The following ARL13B variants were observed in gnomAD, a reference collection of about 807,000 sequenced individuals.
The protein encoded by ARL13B is ARF like GTPase 13B, also known as ADP-ribosylation factor-like protein 13B.
In ARL13B, 36 loss-of-function variants were observed where a neutral mutation model predicts 56.1. The observed-to-expected ratio is 0.64, with a 90% CI of 0.49 to 0.85. The LOEUF (loss-of-function observed/expected upper bound fraction) is 0.85, where lower values mean the gene tolerates loss of function less well. Ranked by LOEUF, ARL13B falls within the 40% of genes least tolerant of loss-of-function variation. The probability of loss-of-function intolerance (pLI) is 0.00; values close to 1 mark genes in which losing one functional copy is unlikely to be tolerated. For missense variants in ARL13B, 519 were observed against 507.1 expected (o/e 1.02, Z -0.23); for synonymous variants, 178 against 171.1 (o/e 1.04, Z -0.32).
chr3:94,028,247 A>T (rs1474697666), intron 3 of ARL13B: 1 of 152,178 alleles, frequency 6.6e-6, no homozygotes, highest in African/African-American at 2.4e-5. Context: ...CCCGGTCCAA[A>T]TCTGAGCAAA....
intron 7 of ARL13B, among the ~76,000 whole-genome samples, chr3:94,047,580 A>G (rs937349422): frequency 1.3e-5 from 2 of 152,234 alleles, no homozygotes; most frequent in Non-Finnish European, 2.9e-5. Flanking sequence ...GTTATTTAAC[A>G]TAGCAATCCC....
intron 8 of ARL13B, among the ~76,000 whole-genome samples, chr3:94,050,410 A>G (rs1290340260): frequency 1.3e-5 from 2 of 152,166 alleles, no homozygotes; most frequent in Non-Finnish European, 2.9e-5. Context: ...TGTAATGACT[A>G]GATAAATATG....
chr3:93,996,774 A>T (rs2075974975), intron 2 of ARL13B: 1 of 189,854 alleles, frequency 5.3e-6, no homozygotes, highest in Admixed American at 4.8e-5. Flanking sequence ...CCAGTCAGGC[A>T]TCTAAAGTGA....
chr3:94,014,611 A>T lies in ARL13B; in HGVS notation c.380+10703A>T, dbSNP rs1201533848. On this transcript the variant is annotated intron_variant, in intron 3 of 9. Coordinates refer to ENST00000394222, the MANE Select transcript of ARL13B (RefSeq NM_001174150.2). ...ATCCTTTATTTGGTTCTCCAAATTAACAAGTTCCTTGTGTCTCTGTTCAAT... is the reference window on the plus strand; with the variant it reads ...ATCCTTTATTTGGTTCTCCAAATTATCAAGTTCCTTGTGTCTCTGTTCAAT... 1.9e-6 allele frequency: 3 copies of T among 1,613,202 alleles called. No individual in the cohort carries two copies. Among genetic ancestry groups the T allele is most frequent in the Non-Finnish European group, 2.5e-6 (3 of 1,179,884 alleles).
At chr3:94,012,479 C>G (rs541786374) in intron 3 of ARL13B, among the ~76,000 whole-genome samples, 1 of 152,240 alleles carries the variant, frequency 6.6e-6, no homozygotes, top group South Asian at 2.1e-4. Flanking sequence ...TTTTCCACCA[C>G]CACTATATAG....
rs148354827 is a variant in ARL13B, at chr3:94,035,391, A to G, written c.441A>G (p.Leu147=). The change falls in exon 4 of 10, where the codon CTA becomes CTG. Residue 147 remains leucine, a synonymous_variant. Coordinates refer to ENST00000394222, the MANE Select transcript of ARL13B (RefSeq NM_001174150.2). ...ALGEADVIEC[L]SLEKLVNEHK... is the part of the protein sequence containing the mutation. ...GAGAAGCTGATGTCATTGAATGTCT[A>G]TCTCTGGAAAAATTGGTCAATGAGC... 4.6e-5 allele frequency: 74 copies of G among 1,606,802 alleles called. No homozygotes were observed. The Middle Eastern group carries it at 5.0e-4, about 11-fold the overall frequency.
chr3:94,012,028 T>C (rs2076232879), intron 3 of ARL13B, among the ~76,000 whole-genome samples: 1 of 152,172 alleles, frequency 6.6e-6, no homozygotes, highest in Admixed American at 6.5e-5. Context: ...ACATTTTTCT[T>C]TCTTTAAACT....
Position 94,054,661 on chromosome 3 carries a change from A to C in ARL13B, c.*1398A>C, listed in dbSNP as rs1284369068. The C allele has an allele frequency of 7.8e-6, 3 of 382,340 alleles. No individual in the cohort carries two copies. Among genetic ancestry groups the C allele is most frequent in the Non-Finnish European group, 1.5e-5 (3 of 196,786 alleles). 23.7% of individuals were successfully genotyped at this position (382,340 alleles called of 1,614,324 possible). A position where few individuals can be genotyped will look rare whatever the true frequency, so the allele number is the denominator to read the frequency against. ...TACTTTAAAAATTGTACTTCAGAACATCAGATTTTATTCACATTTTTTAAC... is the reference window on the plus strand; with the variant it reads ...TACTTTAAAAATTGTACTTCAGAACCTCAGATTTTATTCACATTTTTTAAC... On this transcript the variant is annotated 3_prime_UTR_variant, in exon 10 of 10. Transcript: ENST00000394222.
intron 6 of ARL13B, among the ~76,000 whole-genome samples, chr3:94,042,365 T>TA (rs775825495): frequency 2.7e-4 from 41 of 151,940 alleles, no homozygotes; most frequent in African/African-American, 6.3e-4. Context: ...CTAAAAAAAT[T>TA]AAAAAAAAGC....
intron 3 of ARL13B, among the ~76,000 whole-genome samples, chr3:94,009,536 A>T (rs1421737683): frequency 1.3e-5 from 2 of 152,090 alleles, no homozygotes; most frequent in Non-Finnish European, 1.5e-5. Context: ...TAAATAATAG[A>T]AGAATCTGAG....
intron 3 of ARL13B, among the ~76,000 whole-genome samples, chr3:94,007,177 A>G (rs2076149551): frequency 6.6e-6 from 1 of 152,226 alleles, no homozygotes; most frequent in African/African-American, 2.4e-5. Flanking sequence ...ATAACAAGCA[A>G]GCAGAAAACA....
chr3:94,032,766 G>T (rs2076699143), intron 3 of ARL13B, among the ~76,000 whole-genome samples: 2 of 152,148 alleles, frequency 1.3e-5, no homozygotes, highest in Admixed American at 1.3e-4. Context: ...AAAGTGCTGG[G>T]ATTACAGGCG....
Position 93,980,371 on chromosome 3 carries a change from T to C in ARL13B, c.-53T>C, listed in dbSNP as rs1710147812. The C allele has an allele frequency of 2.5e-6, 4 of 1,602,906 alleles. No individual in the cohort carries two copies. In the East Asian group the frequency reaches 8.9e-5, roughly 36 times the overall value. On this transcript the variant is annotated 5_prime_UTR_variant, in exon 1 of 10. Transcript: ENST00000394222. ...CGGAGGCCCCCGGGGAAGAGCGGGG[T>C]GCCGGTGTCCGCTCCGGGCTCGGAT...
At chr3:94,017,189 G>C (rs1231621285) in intron 3 of ARL13B, among the ~76,000 whole-genome samples, 2 of 152,118 alleles carry the variant, frequency 1.3e-5, no homozygotes, top group East Asian at 1.9e-4. Context: ...TGAAATAAAT[G>C]GTAATATTTG....
At chr3:94,035,917 C>G (rs931270001) in intron 4 of ARL13B, among the ~76,000 whole-genome samples, 2 of 151,934 alleles carry the variant, frequency 1.3e-5, no homozygotes, top group Admixed American at 6.6e-5. Flanking sequence ...ACAAAAAATA[C>G]AAAAACTAGC....
intron 3 of ARL13B, chr3:94,015,340 G>A (rs1182315172): frequency 4.5e-6 from 6 of 1,333,342 alleles, no homozygotes; most frequent in Non-Finnish European, 6.0e-6. Context: ...TTCCCCAGTA[G>A]CAGTTGACTT....
At chr3:94,023,752 A>G (rs1018970142) in intron 3 of ARL13B, among the ~76,000 whole-genome samples, 1 of 152,222 alleles carries the variant, frequency 6.6e-6, no homozygotes, top group African/African-American at 2.4e-5. Flanking sequence ...ATCCTAGTGA[A>G]ATATACACAA....
chr3:94,023,198 T>C (rs1481285326), intron 3 of ARL13B, among the ~76,000 whole-genome samples: 1 of 152,206 alleles, frequency 6.6e-6, no homozygotes, highest in Non-Finnish European at 1.5e-5. Context: ...ACTTGAATAC[T>C]ATATTTTCTG....
intron 3 of ARL13B, among the ~76,000 whole-genome samples, chr3:94,016,675 C>CT (rs1324984853): frequency 1.4e-5 from 2 of 142,606 alleles, no homozygotes; most frequent in Non-Finnish European, 3.0e-5. Context: ...GAGATGGAGT[C>CT]TTGCTCTGAT....
Sources: gnomAD v4.1 joint callset for allele counts (sites outside exome capture counted in the v4.1 genomes callset) on GRCh38, gnomAD v4.1.1 for gene constraint, MANE v1.5 for transcripts, NCBI Gene and HGNC (gene_info 2026-07-23, HGNC 2026-07-21) for gene names.